Variants in HTR4 observed in about 807,000 individuals in gnomAD.
HTR4 encodes the protein 5-hydroxytryptamine receptor 4, also known as 5-hydroxytryptamine (serotonin) receptor 4, G protein-coupled.
In HTR4, 16 loss-of-function variants were observed where a neutral mutation model predicts 36.8. The observed-to-expected ratio is 0.43, with a 90% CI of 0.29 to 0.66. The LOEUF (loss-of-function observed/expected upper bound fraction) is 0.66. HTR4 is among the 30% of genes least tolerant of loss of function. The pLI, the probability that HTR4 is intolerant of heterozygous loss-of-function variation, is 0.13. For synonymous variants in HTR4, 189 were observed against 185.1 expected, an observed-to-expected ratio of 1.02 and a Z score of -0.17; for missense variants, 438 against 490.9, an observed-to-expected ratio of 0.89 and a Z score of 1.02.
chr5:148,599,892 T>A (rs1761920371), intron 2 of HTR4, among the ~76,000 whole-genome samples: 1 of 151,908 alleles, frequency 6.6e-6, no homozygotes, highest in African/African-American at 2.4e-5. Flanking sequence ...GCTAATAACA[T>A]AAGCATATTT....
At chr5:148,520,715 G>A (rs756186988) in intron 5 of HTR4, among the ~76,000 whole-genome samples, 1 of 152,206 alleles carries the variant, frequency 6.6e-6, no homozygotes, top group Non-Finnish European at 1.5e-5. Context: ...TACATAGTAA[G>A]TGTTCAACAT....
At chr5:148,477,880 C>T (rs369059183), downstream of HTR4, among the ~76,000 whole-genome samples, 29 of 152,138 alleles carry the variant, frequency 1.9e-4, 1 homozygote, top group African/African-American at 7.0e-4. Flanking sequence ...AAATATATGC[C>T]TGACTCCTTA....
intron 4 of HTR4, among the ~76,000 whole-genome samples, chr5:148,532,740 G>A (rs1415984649): frequency 1.3e-5 from 2 of 152,192 alleles, no homozygotes; most frequent in East Asian, 1.9e-4. Context: ...ATTGTAGGGT[G>A]TTCACAAGGA....
chr5:148,650,586 G>A (rs1754005453), intron 1 of HTR4, among the ~76,000 whole-genome samples: 1 of 152,054 alleles, frequency 6.6e-6, no homozygotes, highest in African/African-American at 2.4e-5. Flanking sequence ...AAAAAAAATG[G>A]TGACTTTAAT....
At position 148,654,261 on chromosome 5, in the gene HTR4, G is replaced by T. The variant is rs753055580; in HGVS notation, c.-247C>A. The stretch of plus-strand genomic sequence containing the variant: ...GTGAGGCGCGGGCCAGGGGCTGCGG[G>T]CGCAGGACCCCAGCCCCGGATCACC... On this transcript the variant is annotated 5_prime_UTR_variant, in exon 1 of 7. Transcript: ENST00000377888. The T allele has an allele frequency of 1.0e-6, 1 of 985,220 alleles. No individual in the cohort carries two copies. The highest frequency in any genetic ancestry group is 1.2e-6 in the Non-Finnish European group (1 of 829,844). 61.0% of individuals were successfully genotyped at this position (985,220 alleles called of 1,614,324 possible). A position where few individuals can be genotyped will look rare whatever the true frequency, so the allele number is the denominator to read the frequency against.
At chr5:148,570,387 C>G (rs1266983558) in intron 2 of HTR4, among the ~76,000 whole-genome samples, 1 of 152,036 alleles carries the variant, frequency 6.6e-6, no homozygotes, top group African/African-American at 2.4e-5. Context: ...CATAAAATTA[C>G]AGCTATGGTG....
At chr5:148,653,116 G>T (rs908016484) in intron 1 of HTR4, among the ~76,000 whole-genome samples, 1 of 152,084 alleles carries the variant, frequency 6.6e-6, no homozygotes, top group African/African-American at 2.4e-5. Flanking sequence ...GCTCACCACA[G>T]TCACCCACAG....
chr5:148,477,989 C>T (rs927734139), downstream of HTR4, among the ~76,000 whole-genome samples: 3 of 152,152 alleles, frequency 2.0e-5, no homozygotes, highest in African/African-American at 7.2e-5. Context: ...TTTTTATTCT[C>T]TTTATAGCAC....
rs561955019 is a variant in HTR4, at chr5:148,505,930, C to T, written c.1076+3526G>A. Reference sequence around the variant, plus strand: ...TCATGGATAGGAAGAATCAATATCGCGAAAATGGCCATACTGCCCAAGGTA... The same window carrying T: ...TCATGGATAGGAAGAATCAATATCGTGAAAATGGCCATACTGCCCAAGGTA... On this transcript the variant is annotated intron_variant, in intron 6 of 6. Coordinates refer to ENST00000377888, the MANE Select transcript of HTR4 (RefSeq NM_000870.7). 3.0e-4 allele frequency among the ~76,000 whole-genome samples: 45 copies of T among 152,004 alleles called. No individual in the cohort carries two copies. The East Asian group carries it at 4.8e-3, about 16-fold the overall frequency.
At chr5:148,597,619 G>A (rs1024945794) in intron 2 of HTR4, among the ~76,000 whole-genome samples, 8 of 152,064 alleles carry the variant, frequency 5.3e-5, no homozygotes, top group Non-Finnish European at 1.2e-4. Context: ...CCTTTGCACT[G>A]CTCTTTTCAC....
intron 2 of HTR4, among the ~76,000 whole-genome samples, chr5:148,619,644 A>G (rs1241803284): frequency 2.6e-5 from 4 of 152,174 alleles, no homozygotes; most frequent in African/African-American, 7.2e-5. Context: ...AGCCATCGAC[A>G]CAATGCAAAA....
At position 148,482,785 on chromosome 5, in the gene HTR4, A is replaced by C; in HGVS notation, c.*418T>G. 1 of 1,043,696 alleles carries C rather than the reference A, an allele frequency of 9.6e-7. No homozygotes were observed. Among genetic ancestry groups the C allele is most frequent in the Non-Finnish European group, 1.2e-6 (1 of 863,156 alleles). 64.7% of individuals were successfully genotyped at this position (1,043,696 alleles called of 1,614,324 possible). ...CTGGCTAAGACAGGAACAGAGAGGG[A>C]GTATTTTGTTGATATCTGGAAGCCC... On this transcript the variant is annotated 3_prime_UTR_variant, in exon 7 of 7. Transcript: ENST00000377888.
chr5:148,469,169 A>G (rs1194626949), intron 5 of HTR4, among the ~76,000 whole-genome samples: 1 of 152,186 alleles, frequency 6.6e-6, no homozygotes, highest in African/African-American at 2.4e-5. Context: ...ATACTGCTCC[A>G]CAGTAAAGTC....
Position 148,508,852 on chromosome 5 carries a change from G to A in HTR4, c.1076+604C>T, listed in dbSNP as rs144752105. Among the ~76,000 whole-genome samples, 147 of 151,748 alleles carry A rather than the reference G, an allele frequency of 9.7e-4. 1 individual carries two copies. The highest frequency in any genetic ancestry group is 3.4e-3 in the African/African-American group (140 of 41,376). ...ATTGTGAGTGCTTACTGTATGTCATGCCCTATATGAATATATTATCTCTAC... is the reference window on the plus strand; with the variant it reads ...ATTGTGAGTGCTTACTGTATGTCATACCCTATATGAATATATTATCTCTAC... On this transcript the variant is annotated intron_variant, in intron 6 of 6. Transcript: ENST00000377888.
At chr5:148,615,666 A>C (rs1342661175) in intron 2 of HTR4, among the ~76,000 whole-genome samples, 1 of 151,544 alleles carries the variant, frequency 6.6e-6, no homozygotes, top group Non-Finnish European at 1.5e-5. Context: ...TGTACCCTAA[A>C]ACTTAAAGTA....
intron 2 of HTR4, among the ~76,000 whole-genome samples, chr5:148,614,209 A>G (rs1752564479): frequency 6.6e-6 from 1 of 152,230 alleles, no homozygotes; most frequent in South Asian, 2.1e-4. Context: ...ACCAAAAAAG[A>G]GCCTGCATTG....
At chr5:148,644,025 G>A (rs887391392) in intron 1 of HTR4, among the ~76,000 whole-genome samples, 2 of 152,142 alleles carry the variant, frequency 1.3e-5, no homozygotes, top group African/African-American at 4.8e-5. Context: ...AGAATCACCC[G>A]GAGGCTTGTA....
Position 148,486,926 on chromosome 5 carries a change from C to T in HTR4, c.1077-3633G>A, listed in dbSNP as rs543753513. ...AAATGCAGCGAGATCACAACTGTCT[C>T]TCCTCAAACATATGTTTGATCAAAA... On this transcript the variant is annotated intron_variant, in intron 6 of 6. Coordinates refer to ENST00000377888, the MANE Select transcript of HTR4 (RefSeq NM_000870.7). Among the ~76,000 whole-genome samples, 65 of 152,316 alleles carry T rather than the reference C, an allele frequency of 4.3e-4. 1 individual carries two copies. The South Asian group carries it at 0.013, about 32-fold the overall frequency.
downstream of HTR4, among the ~76,000 whole-genome samples, chr5:148,472,549 T>C (rs1386530254): frequency 6.6e-6 from 1 of 152,194 alleles, no homozygotes; most frequent in Admixed American, 6.5e-5. Flanking sequence ...TGGATGCTTC[T>C]CTTTGGTATG....
Sources: allele counts gnomAD v4.1 joint callset (sites outside exome capture counted in the v4.1 genomes callset), GRCh38; gene constraint gnomAD v4.1.1; transcripts MANE v1.5; gene names NCBI Gene and HGNC (gene_info 2026-07-23, HGNC 2026-07-21).